The following PTPRD variants were observed in gnomAD, a reference collection of about 807,000 sequenced individuals.
PTPRD encodes the protein receptor-type tyrosine-protein phosphatase delta.
A neutral mutation model predicts 214.5 loss-of-function variants in PTPRD; 34 were observed. That is an observed-to-expected ratio of 0.16 (90% confidence interval 0.12 to 0.21). PTPRD has a LOEUF of 0.21. Ranked by LOEUF, PTPRD falls within the 10% of genes least tolerant of loss-of-function variation. The pLI is 1.00. For missense variants in PTPRD, 2,545 were observed against 2,398.7 expected (o/e 1.06, Z -1.27); for synonymous variants, 1,128 against 845.7 (o/e 1.33, Z -5.79).
intron 7 of PTPRD, among the ~76,000 whole-genome samples, chr9:9,616,345 G>C (rs760663673): frequency 6.6e-6 from 1 of 152,116 alleles, no homozygotes; most frequent in Non-Finnish European, 1.5e-5. Context: ...AAGCCTACAA[G>C]AGAAGTTTCT....
Position 9,646,064 on chromosome 9 carries a change from T to C in PTPRD, c.-286-71283A>G, listed in dbSNP as rs1057011912. 4.6e-5 allele frequency among the ~76,000 whole-genome samples: 7 copies of C among 152,314 alleles called. No homozygotes were observed. In the South Asian group the frequency reaches 1.4e-3, roughly 32 times the overall value. ...GAATACAATTCATGTTTATTTGTATTTAATACACATTTACAATTATTTTTA... is the reference window on the plus strand; with the variant it reads ...GAATACAATTCATGTTTATTTGTATCTAATACACATTTACAATTATTTTTA... On this transcript the variant is annotated intron_variant, in intron 7 of 45. Transcript: ENST00000381196.
intron 11 of PTPRD, among the ~76,000 whole-genome samples, chr9:8,820,938 T>G (rs976748895): frequency 5.3e-5 from 8 of 152,192 alleles, no homozygotes; most frequent in Admixed American, 1.3e-4. Context: ...TACAATCATT[T>G]TAAGTTATCA....
intron 2 of PTPRD, among the ~76,000 whole-genome samples, chr9:10,359,099 G>C (rs1049873009): frequency 7.9e-5 from 12 of 151,806 alleles, no homozygotes; most frequent in African/African-American, 2.9e-4. Context: ...AATGCAAAAG[G>C]ATTTTTTTCA....
At chr9:9,547,188 C>T (rs2079003248) in intron 8 of PTPRD, among the ~76,000 whole-genome samples, 1 of 151,996 alleles carries the variant, frequency 6.6e-6, no homozygotes, top group African/African-American at 2.4e-5. Flanking sequence ...GTCACTCTTG[C>T]TATCGATTTT....
At chr9:9,235,939 C>G (rs889328770) in intron 9 of PTPRD, among the ~76,000 whole-genome samples, 1 of 152,036 alleles carries the variant, frequency 6.6e-6, no homozygotes, top group Non-Finnish European at 1.5e-5. Context: ...TAGTCTGAGT[C>G]AATTCTAAAC....
chr9:9,265,280 G>C (rs1455299054), intron 9 of PTPRD, among the ~76,000 whole-genome samples: 1 of 151,504 alleles, frequency 6.6e-6, no homozygotes, highest in African/African-American at 2.4e-5. Context: ...TTTATTTTTA[G>C]AGATAGCATC....
At chr9:9,691,056 C>T (rs1026545611) in intron 7 of PTPRD, among the ~76,000 whole-genome samples, 1 of 151,472 alleles carries the variant, frequency 6.6e-6, no homozygotes, top group Non-Finnish European at 1.5e-5. Context: ...ATGGTGTACA[C>T]GAGATATTTT....
chr9:9,486,800 C>T (rs1008579204), intron 8 of PTPRD, among the ~76,000 whole-genome samples: 8 of 152,106 alleles, frequency 5.3e-5, no homozygotes, highest in Non-Finnish European at 1.2e-4. Flanking sequence ...TCCCCTATTA[C>T]AACACTTAAC....
chr9:8,799,221 G>C (rs1188014954), intron 11 of PTPRD, among the ~76,000 whole-genome samples: 1 of 152,184 alleles, frequency 6.6e-6, no homozygotes. Context: ...ATCACCAGTA[G>C]TCTGGTAGCA....
At chr9:8,331,950 G>T (rs80347877) in intron 43 of PTPRD, among the ~76,000 whole-genome samples, 6 of 38,258 alleles carry the variant, frequency 1.6e-4, no homozygotes, top group Middle Eastern at 0.037. Context: ...ATTTACTCTT[G>T]AAATCCTAAA....
intron 5 of PTPRD, among the ~76,000 whole-genome samples, chr9:9,909,713 A>C (rs1278421286): frequency 6.6e-6 from 1 of 151,872 alleles, no homozygotes; most frequent in African/African-American, 2.4e-5. Flanking sequence ...CTAATTAAGA[A>C]ATTGACTAAG....
At chr9:9,580,013 T>C (rs1014776112) in intron 7 of PTPRD, among the ~76,000 whole-genome samples, 1 of 152,156 alleles carries the variant, frequency 6.6e-6, no homozygotes, top group Non-Finnish European at 1.5e-5. Flanking sequence ...TCCATCCATA[T>C]TGCTGCAAAG....
chr9:9,837,683 A>G (rs1409966298), intron 5 of PTPRD, among the ~76,000 whole-genome samples: 1 of 152,130 alleles, frequency 6.6e-6, no homozygotes, highest in Non-Finnish European at 1.5e-5. Flanking sequence ...GAGTGGCTGT[A>G]ATAACAGTGG....
At chr9:8,508,626 T>C (rs1294776466) in intron 21 of PTPRD, among the ~76,000 whole-genome samples, 1 of 152,104 alleles carries the variant, frequency 6.6e-6, no homozygotes, top group African/African-American at 2.4e-5. Context: ...TAAAAAAACA[T>C]CTAAAGTGTG....
chr9:10,266,707 A>G (rs2094085064), intron 3 of PTPRD, among the ~76,000 whole-genome samples: 1 of 152,150 alleles, frequency 6.6e-6, no homozygotes, highest in African/African-American at 2.4e-5. Flanking sequence ...TAGTTTCAGG[A>G]AAAGCGAGAA....
intron 14 of PTPRD, among the ~76,000 whole-genome samples, chr9:8,622,146 TCTTA>T (rs749877869): frequency 3.3e-5 from 5 of 152,072 alleles, no homozygotes; most frequent in Admixed American, 6.6e-5. Flanking sequence ...AAAAAACTCC[TCTTA>T]CTATTAGTTG....
At chr9:8,919,839 C>G (rs141205498) in intron 11 of PTPRD, among the ~76,000 whole-genome samples, 1 of 151,806 alleles carries the variant, frequency 6.6e-6, no homozygotes, top group Admixed American at 6.6e-5. Flanking sequence ...TGCATACATA[C>G]GTGCATGTAT....
intron 30 of PTPRD, among the ~76,000 whole-genome samples, chr9:8,475,325 T>C (rs957515641): frequency 1.3e-5 from 2 of 152,206 alleles, no homozygotes; most frequent in African/African-American, 4.8e-5. Flanking sequence ...GCCCTTTCTC[T>C]GTGATATTCT....
intron 14 of PTPRD, among the ~76,000 whole-genome samples, chr9:8,548,647 T>C (rs1402489741): frequency 1.4e-5 from 2 of 141,788 alleles, no homozygotes; most frequent in African/African-American, 2.6e-5. Flanking sequence ...GGATTAGAGG[T>C]GTAAGCCATT....
Sources: allele counts gnomAD v4.1 joint callset (sites outside exome capture counted in the v4.1 genomes callset), GRCh38; gene constraint gnomAD v4.1.1; transcripts MANE v1.5; gene names NCBI Gene and HGNC (gene_info 2026-07-23, HGNC 2026-07-21).